FHIT: variants seen among roughly 807,000 people sequenced by gnomAD.
FHIT encodes bis(5'-adenosyl)-triphosphatase.
Under a neutral mutation model 17.9 loss-of-function variants are expected in FHIT, and 19 were observed. That is an observed-to-expected ratio of 1.06 (90% CI 0.74 to 1.56). FHIT has a LOEUF of 1.56. Among genes scored for constraint, FHIT ranks in the 40% most tolerant of loss-of-function variants. The probability of loss-of-function intolerance (pLI) is 0.00; values close to 1 mark genes in which losing one functional copy is unlikely to be tolerated. For missense variants in FHIT, 248 were observed against 189.2 expected (o/e 1.31, Z -1.82); for synonymous variants, 81 against 69.7 (o/e 1.16, Z -0.81).
At chr3:59,927,630 G>T (rs1001604126) in intron 7 of FHIT, among the ~76,000 whole-genome samples, 3 of 151,524 alleles carry the variant, frequency 2.0e-5, no homozygotes, top group East Asian at 4.0e-4. Context: ...TTAGCCAGGC[G>T]TGGTGGCACA....
At chr3:60,182,447 G>C (rs1333252918) in intron 5 of FHIT, among the ~76,000 whole-genome samples, 1 of 152,084 alleles carries the variant, frequency 6.6e-6, no homozygotes, top group East Asian at 1.9e-4. Context: ...TAGTCACTAG[G>C]CAAAATCTTG....
intron 4 of FHIT, among the ~76,000 whole-genome samples, chr3:60,590,659 A>T (rs185812726): frequency 1.6e-4 from 25 of 152,272 alleles, no homozygotes; most frequent in African/African-American, 5.5e-4. Flanking sequence ...GTGCATGCCT[A>T]AAAAATCTTA....
intron 7 of FHIT, among the ~76,000 whole-genome samples, chr3:59,938,220 TA>T (rs1318530837): frequency 6.6e-6 from 1 of 152,162 alleles, no homozygotes; most frequent in Non-Finnish European, 1.5e-5. Flanking sequence ...TATTCGGCCT[TA>T]AAAATTAAGA....
At chr3:60,907,940 C>T (rs56133227) in intron 3 of FHIT, among the ~76,000 whole-genome samples, 152 of 152,224 alleles carry the variant, frequency 1.0e-3, no homozygotes, top group African/African-American at 3.6e-3. Flanking sequence ...AAATAACTTG[C>T]CCAGGCTAGT....
chr3:60,617,446 A>C (rs920750292), intron 4 of FHIT: 12 of 158,726 alleles, frequency 7.6e-5, no homozygotes, highest in African/African-American at 2.6e-4. Flanking sequence ...TGCAGGAAGT[A>C]TATTTTTCAT....
intron 4 of FHIT, among the ~76,000 whole-genome samples, chr3:60,800,059 C>G (rs1191837091): frequency 2.0e-5 from 3 of 149,336 alleles, no homozygotes; most frequent in Non-Finnish European, 4.5e-5. Flanking sequence ...TAGCATGAAG[C>G]CTTTATTCCC....
intron 4 of FHIT, among the ~76,000 whole-genome samples, chr3:60,683,790 G>C (rs2040804107): frequency 6.6e-6 from 1 of 152,110 alleles, no homozygotes; most frequent in Non-Finnish European, 1.5e-5. Context: ...GGGTTGGTTT[G>C]ACATATAACA....
At chr3:60,387,177 G>C (rs11716940) in intron 5 of FHIT, among the ~76,000 whole-genome samples, 34,900 of 151,808 alleles carry the variant, frequency 0.23, 4,490 homozygotes, top group East Asian at 0.32. Flanking sequence ...TTTAGTTAGA[G>C]ACAGGGTTTC....
At chr3:60,451,787 C>A (rs1450084457) in intron 5 of FHIT, among the ~76,000 whole-genome samples, 1 of 152,038 alleles carries the variant, frequency 6.6e-6, no homozygotes, top group Admixed American at 6.6e-5. Context: ...ATAGGTAGCA[C>A]TGGGAGATTG....
chr3:61,205,560 C>T (rs777695789), intron 1 of FHIT, among the ~76,000 whole-genome samples: 1 of 152,156 alleles, frequency 6.6e-6, no homozygotes, highest in Non-Finnish European at 1.5e-5. Flanking sequence ...ATTTGCATGT[C>T]TCTGATGGCC....
intron 4 of FHIT, among the ~76,000 whole-genome samples, chr3:60,620,128 A>G (rs1553677831): frequency 6.6e-6 from 1 of 152,212 alleles, no homozygotes; most frequent in African/African-American, 2.4e-5. Flanking sequence ...TAGAATTGTG[A>G]AAATTCAAAA....
At chr3:59,881,108 A>G (rs17061321) in intron 8 of FHIT, among the ~76,000 whole-genome samples, 10,300 of 152,242 alleles carry the variant, frequency 0.068, 1,128 homozygotes, top group African/African-American at 0.23. Context: ...ATGACGCTGT[A>G]CCTTTGGTGC....
chr3:60,331,643 T>C (rs1313585825), intron 5 of FHIT, among the ~76,000 whole-genome samples: 1 of 152,122 alleles, frequency 6.6e-6, no homozygotes, highest in Non-Finnish European at 1.5e-5. Flanking sequence ...GGTCAGGAAT[T>C]CAAGACCAGC....
chr3:60,513,097 C>G (rs914584045), intron 5 of FHIT, among the ~76,000 whole-genome samples: 1 of 152,116 alleles, frequency 6.6e-6, no homozygotes, highest in African/African-American at 2.4e-5. Context: ...AAAATGCAAG[C>G]TGAATTATTT....
intron 5 of FHIT, among the ~76,000 whole-genome samples, chr3:60,248,414 T>C (rs974981082): frequency 6.6e-6 from 1 of 152,130 alleles, no homozygotes; most frequent in African/African-American, 2.4e-5. Flanking sequence ...AATTGTATAA[T>C]ATTTCCCCTT....
chr3:60,536,718 G>C (rs902060789), intron 5 of FHIT, 142 bp downstream of exon 5: 6 of 766,192 alleles, frequency 7.8e-6, no homozygotes, highest in African/African-American at 3.6e-5. Flanking sequence ...ATCTTACCTG[G>C]TGTCTCCGAA....
intron 7 of FHIT, among the ~76,000 whole-genome samples, chr3:59,980,305 C>T (rs1575809091): frequency 1.3e-5 from 2 of 152,308 alleles, no homozygotes; most frequent in South Asian, 4.1e-4. Context: ...GAATGGACAA[C>T]AAGGATTCCT....
chr3:61,208,573 CTTCT>C (rs1268438057), intron 1 of FHIT, among the ~76,000 whole-genome samples: 2 of 151,984 alleles, frequency 1.3e-5, no homozygotes, highest in Non-Finnish European at 2.9e-5. Flanking sequence ...ATGCAATGGC[CTTCT>C]TTGTCTCTTT....
intron 8 of FHIT, among the ~76,000 whole-genome samples, chr3:59,848,952 G>A (rs1277783102): frequency 1.3e-5 from 2 of 152,144 alleles, no homozygotes; most frequent in African/African-American, 4.8e-5. Flanking sequence ...AATATCACAT[G>A]ATCCTAAAAC....
Sources: allele counts gnomAD v4.1 joint callset (sites outside exome capture counted in the v4.1 genomes callset), GRCh38; gene constraint gnomAD v4.1.1; transcripts MANE v1.5; gene names NCBI Gene and HGNC (gene_info 2026-07-23, HGNC 2026-07-21).